MAP3K5: variants seen among roughly 807,000 people sequenced by gnomAD.
MAP3K5 encodes mitogen-activated protein kinase kinase kinase 5.
In MAP3K5, 56 loss-of-function variants were observed where a neutral mutation model predicts 158.7. That is an observed-to-expected ratio of 0.35 (90% CI 0.28 to 0.44). MAP3K5 has a LOEUF of 0.44. Ranked by LOEUF, MAP3K5 falls within the 20% of genes least tolerant of loss-of-function variation. The probability of loss-of-function intolerance (pLI) is 1.00; values close to 1 mark genes in which losing one functional copy is unlikely to be tolerated. For missense variants in MAP3K5, 1,294 were observed against 1,674.8 expected, an observed-to-expected ratio of 0.77 and a Z score of 3.97; for synonymous variants, 579 against 601.7, an observed-to-expected ratio of 0.96 and a Z score of 0.55.
intron 12 of MAP3K5, 59 bp from the exon 13 acceptor site, chr6:136,639,697 A>C (rs1777828175): frequency 1.3e-6 from 1 of 783,634 alleles, no homozygotes; most frequent in African/African-American, 1.8e-5. Flanking sequence ...CTACAGTCCT[A>C]TGATGAAAAA....
intron 1 of MAP3K5, among the ~76,000 whole-genome samples, chr6:136,767,526 G>A (rs79148975): frequency 0.012 from 1,889 of 152,188 alleles, 50 homozygotes; most frequent in African/African-American, 0.044. Context: ...GATCAGTTCA[G>A]TAGTCACTAG....
At chr6:136,584,220 T>G (rs1775013656) in intron 23 of MAP3K5, among the ~76,000 whole-genome samples, 1 of 152,174 alleles carries the variant, frequency 6.6e-6, no homozygotes, top group Non-Finnish European at 1.5e-5. Flanking sequence ...CCATAGGATC[T>G]CAACCTGAAA....
At chr6:136,642,030 A>AAAAATAAAATAAAATAAAATAAAAT (rs57982866) in intron 12 of MAP3K5, among the ~76,000 whole-genome samples, 4 of 119,340 alleles carry the variant, frequency 3.4e-5, no homozygotes, top group Non-Finnish European at 6.7e-5. Flanking sequence ...AAAATAAAAT[A>AAAAATAAAATAAAATAAAATAAAAT]AAAATAAAAT....
chr6:136,714,727 G>A (rs769705625), intron 2 of MAP3K5, among the ~76,000 whole-genome samples: 1 of 152,088 alleles, frequency 6.6e-6, no homozygotes, highest in Non-Finnish European at 1.5e-5. Flanking sequence ...ATCCAGAAGT[G>A]GAATTGCTGG....
At chr6:136,587,197 G>C (rs1357910128) in intron 23 of MAP3K5, among the ~76,000 whole-genome samples, 1 of 152,126 alleles carries the variant, frequency 6.6e-6, no homozygotes, top group East Asian at 1.9e-4. Flanking sequence ...TTGAGGACCT[G>C]ACCAATATCT....
intron 4 of MAP3K5, among the ~76,000 whole-genome samples, chr6:136,697,767 CAG>C (rs1341124500): frequency 6.6e-6 from 1 of 152,056 alleles, no homozygotes; most frequent in African/African-American, 2.4e-5. Flanking sequence ...GTTTTTGAGA[CAG>C]AGTCTCACTC....
At chr6:136,622,430 C>T (rs1007862994) in intron 15 of MAP3K5, among the ~76,000 whole-genome samples, 5 of 152,120 alleles carry the variant, frequency 3.3e-5, no homozygotes, top group Non-Finnish European at 5.9e-5. Context: ...ACTTCACGGA[C>T]GAATCCAAGA....
intron 23 of MAP3K5, among the ~76,000 whole-genome samples, chr6:136,585,742 C>T (rs1418075089): frequency 6.6e-6 from 1 of 152,044 alleles, no homozygotes; most frequent in Non-Finnish European, 1.5e-5. Context: ...AGTGATCCAC[C>T]TGCCTCAGCC....
intron 15 of MAP3K5, among the ~76,000 whole-genome samples, chr6:136,614,911 G>C (rs1173273507): frequency 2.0e-5 from 3 of 152,058 alleles, no homozygotes; most frequent in Non-Finnish European, 4.4e-5. Context: ...TCACCTTACT[G>C]TATCCACTAA....
chr6:136,781,293 T>C (rs553110717), intron 1 of MAP3K5, among the ~76,000 whole-genome samples: 1 of 152,296 alleles, frequency 6.6e-6, no homozygotes, highest in African/African-American at 2.4e-5. Flanking sequence ...CACTATTGAG[T>C]TGGCTCCCTT....
chr6:136,582,558 T>C (rs1021985373), intron 24 of MAP3K5, among the ~76,000 whole-genome samples: 4 of 152,372 alleles, frequency 2.6e-5, no homozygotes, highest in African/African-American at 7.2e-5. Flanking sequence ...AACTCAGGAC[T>C]CTTGTCCCTG....
chr6:136,628,150 C>T (rs576094415), intron 14 of MAP3K5, among the ~76,000 whole-genome samples: 35 of 150,886 alleles, frequency 2.3e-4, no homozygotes, highest in South Asian at 1.0e-3. Flanking sequence ...TTTGCTCTGT[C>T]GCCTAGGCCG....
chr6:136,700,286 A>G (rs1157075979), intron 3 of MAP3K5, among the ~76,000 whole-genome samples: 1 of 152,122 alleles, frequency 6.6e-6, no homozygotes, highest in African/African-American at 2.4e-5. Flanking sequence ...GTTTGAGGAG[A>G]TGAGTCATGC....
At chr6:136,669,240 T>A (rs752947175) in intron 8 of MAP3K5, 43 bp downstream of exon 8, 4 of 1,272,806 alleles carry the variant, frequency 3.1e-6, no homozygotes, top group Non-Finnish European at 4.6e-6. Context: ...CCAAGTTGGG[T>A]CCAGTTTCTT....
intron 23 of MAP3K5, among the ~76,000 whole-genome samples, chr6:136,587,061 CCTGA>C (rs1372431294): frequency 1.3e-5 from 2 of 152,100 alleles, no homozygotes; most frequent in African/African-American, 2.4e-5. Context: ...TCTAGAGAAC[CCTGA>C]CTAACACACA....
chr6:136,742,402 C>T (rs1359492800), intron 1 of MAP3K5, among the ~76,000 whole-genome samples: 3 of 151,102 alleles, frequency 2.0e-5, no homozygotes, highest in South Asian at 2.1e-4. Context: ...TTTCAACAAA[C>T]GGTGCTGGAA....
At chr6:136,616,615 C>T (rs1161262322) in intron 15 of MAP3K5, among the ~76,000 whole-genome samples, 2 of 151,700 alleles carry the variant, frequency 1.3e-5, no homozygotes, top group Non-Finnish European at 2.9e-5. Context: ...CTTATAACTG[C>T]TCTTGATATA....
At chr6:136,567,408 TGAA>T (rs1165021576) in intron 26 of MAP3K5, among the ~76,000 whole-genome samples, 1 of 152,184 alleles carries the variant, frequency 6.6e-6, no homozygotes, top group Non-Finnish European at 1.5e-5. Context: ...CACCTGGAGA[TGAA>T]GAAGTAATCA....
chr6:136,722,324 AAAG>A, intron 1 of MAP3K5, among the ~76,000 whole-genome samples: 1 of 152,352 alleles, frequency 6.6e-6, no homozygotes, highest in East Asian at 1.9e-4. Flanking sequence ...AACAAATTTA[AAAG>A]AAGATAATTT....
Sources: gnomAD v4.1 joint callset for allele counts (sites outside exome capture counted in the v4.1 genomes callset) on GRCh38, gnomAD v4.1.1 for gene constraint, MANE v1.5 for transcripts, NCBI Gene and HGNC (gene_info 2026-07-23, HGNC 2026-07-21) for gene names.